DENND1B: variants seen among roughly 807,000 people sequenced by gnomAD.
DENND1B encodes the protein DENN domain containing 1B.
In DENND1B, 59 loss-of-function variants were observed where a neutral mutation model predicts 90.1. That is an observed-to-expected ratio of 0.65 (90% CI 0.53 to 0.81). DENND1B has a LOEUF of 0.81. Among genes scored for constraint, DENND1B ranks in the 40% least tolerant of loss-of-function variants. DENND1B has a pLI of 0.00. For synonymous variants in DENND1B, 337 were observed against 324.6 expected (o/e 1.04, Z -0.41); for missense variants, 862 against 912.6 (o/e 0.94, Z 0.71).
chr1:197,549,653 C>G (rs1021549654), intron 16 of DENND1B, among the ~76,000 whole-genome samples: 1 of 152,100 alleles, frequency 6.6e-6, no homozygotes, highest in Non-Finnish European at 1.5e-5. Flanking sequence ...TTAAATGCAT[C>G]CTTTGTTCTA....
rs558534178 is a variant in DENND1B at position 197,552,526 on chromosome 1, T to A, written c.1240+496A>T. ...GGTAAACTGGAAACTTTCTTAATGC[T>A]GCAGTGATCTATAAAGTCAAAAAGG... On this transcript the variant is annotated intron_variant, in intron 16 of 22. Coordinates refer to ENST00000620048, the MANE Select transcript of DENND1B (RefSeq NM_001195215.2). 25 of 985,712 alleles carry A rather than the reference T, an allele frequency of 2.5e-5. No individual in the cohort carries two copies. The African/African-American group carries it at 4.0e-4, about 16-fold the overall frequency. 61.1% of individuals were successfully genotyped at this position (985,712 alleles called of 1,614,324 possible).
At chr1:197,633,353 A>T (rs574479419) in intron 10 of DENND1B, among the ~76,000 whole-genome samples, 20 of 152,296 alleles carry the variant, frequency 1.3e-4, no homozygotes, top group African/African-American at 4.3e-4. Context: ...CTCAGCTCCA[A>T]ATCTGCCCCT....
intron 12 of DENND1B, among the ~76,000 whole-genome samples, chr1:197,607,491 C>G (rs1676795743): frequency 6.6e-6 from 1 of 150,826 alleles, no homozygotes; most frequent in South Asian, 2.1e-4. Context: ...AAAATTTACC[C>G]ATTTAAGTTC....
intron 15 of DENND1B, among the ~76,000 whole-genome samples, chr1:197,576,721 TG>T (rs1448158530): frequency 6.6e-6 from 1 of 152,094 alleles, no homozygotes; most frequent in Admixed American, 6.6e-5. Context: ...TCTTCTGCCA[TG>T]GGGGGCACTT....
intron 3 of DENND1B, among the ~76,000 whole-genome samples, chr1:197,687,058 C>T (rs1375041681): frequency 6.6e-6 from 1 of 152,148 alleles, no homozygotes; most frequent in East Asian, 1.9e-4. Context: ...CAATGTCTAG[C>T]ATGTTAAAAT....
At chr1:197,737,305 A>G (rs1189902762) in intron 2 of DENND1B, among the ~76,000 whole-genome samples, 1 of 152,234 alleles carries the variant, frequency 6.6e-6, no homozygotes, top group Non-Finnish European at 1.5e-5. Flanking sequence ...TCAGATGCAT[A>G]ACAATCACCT....
intron 15 of DENND1B, among the ~76,000 whole-genome samples, chr1:197,578,401 T>C (rs1673889205): frequency 6.6e-6 from 1 of 152,050 alleles, no homozygotes; most frequent in African/African-American, 2.4e-5. Context: ...TGTGACACCT[T>C]GCCTGGCTAA....
chr1:197,694,332 G>A (rs531527253), intron 3 of DENND1B, among the ~76,000 whole-genome samples: 1 of 151,422 alleles, frequency 6.6e-6, no homozygotes, highest in South Asian at 2.1e-4. Flanking sequence ...TGCCAATTTT[G>A]CAAGACTTTA....
At chr1:197,666,248 T>C (rs1335968693) in intron 5 of DENND1B, among the ~76,000 whole-genome samples, 1 of 152,224 alleles carries the variant, frequency 6.6e-6, no homozygotes, top group Non-Finnish European at 1.5e-5. Flanking sequence ...AAAGCCACTG[T>C]AGCTTTTTCA....
chr1:197,574,537 A>G (rs1189464796), intron 15 of DENND1B, among the ~76,000 whole-genome samples: 1 of 152,188 alleles, frequency 6.6e-6, no homozygotes, highest in Middle Eastern at 3.2e-3. Flanking sequence ...TATAGATTCA[A>G]TGCCATCCCC....
intron 3 of DENND1B, among the ~76,000 whole-genome samples, chr1:197,682,090 T>C (rs1376680423): frequency 1.3e-5 from 2 of 151,974 alleles, no homozygotes; most frequent in Non-Finnish European, 2.9e-5. Context: ...TTTATCTAGT[T>C]GCTTCAAGAA....
In DENND1B at chr1:197,508,072, G is replaced by C. The variant is rs1171991900; in HGVS notation, c.*2388C>G. On this transcript the variant is annotated 3_prime_UTR_variant, in exon 23 of 23. Coordinates refer to ENST00000620048, the MANE Select transcript of DENND1B (RefSeq NM_001195215.2). ...AAACACCTTGAAAGGTGGCTGAAAA[G>C]TAGAACAAAATTTGGATTTCTGAAG... 6.6e-6 allele frequency: 1 copy of C among 151,438 alleles called. No individual in the cohort carries two copies. Among genetic ancestry groups the C allele is most frequent in the Non-Finnish European group, 1.5e-5 (1 of 67,688 alleles). The allele number at this position is 151,438 out of a possible 1,614,324, so 9.4% of individuals were successfully genotyped here. A position where few individuals can be genotyped will look rare whatever the true frequency, so the allele number is the denominator to read the frequency against.
intron 4 of DENND1B, among the ~76,000 whole-genome samples, chr1:197,672,738 A>G (rs2125985329): frequency 6.6e-6 from 1 of 152,178 alleles, no homozygotes; most frequent in South Asian, 2.1e-4. Context: ...GTATAAAATA[A>G]GAATATAATT....
intron 18 of DENND1B, among the ~76,000 whole-genome samples, chr1:197,545,161 T>C (rs1670710769): frequency 6.6e-6 from 1 of 151,826 alleles, no homozygotes; most frequent in South Asian, 2.1e-4. Context: ...TCCCAGCACT[T>C]TGAGAGGCCA....
At chr1:197,774,832 G>A (rs1657069350) in intron 1 of DENND1B, among the ~76,000 whole-genome samples, 1 of 152,206 alleles carries the variant, frequency 6.6e-6, no homozygotes, top group African/African-American at 2.4e-5. Flanking sequence ...CTCAGCGGCG[G>A]TGTCAGGGGC....
intron 15 of DENND1B, among the ~76,000 whole-genome samples, chr1:197,554,566 G>A (rs765117905): frequency 6.6e-5 from 10 of 152,026 alleles, no homozygotes; most frequent in Admixed American, 2.0e-4. Context: ...TAGGCTGGGC[G>A]TGGTGGCTCA....
intron 20 of DENND1B, among the ~76,000 whole-genome samples, chr1:197,516,707 G>A (rs898380925): frequency 1.3e-5 from 2 of 151,666 alleles, no homozygotes; most frequent in Non-Finnish European, 1.5e-5. Context: ...AACATATTGT[G>A]TATTCTTAAG....
At chr1:197,745,633 T>G (rs1471409347) in intron 2 of DENND1B, among the ~76,000 whole-genome samples, 1 of 146,582 alleles carries the variant, frequency 6.8e-6, no homozygotes, top group South Asian at 2.1e-4. Flanking sequence ...TATATATATA[T>G]ATATATAATA....
chr1:197,685,402 T>C (rs1027597438), intron 3 of DENND1B, among the ~76,000 whole-genome samples: 2 of 152,162 alleles, frequency 1.3e-5, no homozygotes, highest in African/African-American at 4.8e-5. Context: ...AGCAATTTTA[T>C]TCAGTAAACT....
Sources: allele counts gnomAD v4.1 joint callset (sites outside exome capture counted in the v4.1 genomes callset), GRCh38; gene constraint gnomAD v4.1.1; transcripts MANE v1.5; gene names NCBI Gene and HGNC (gene_info 2026-07-23, HGNC 2026-07-21).